TNKS: variants seen among roughly 807,000 people sequenced by gnomAD.
The protein encoded by TNKS is poly [ADP-ribose] polymerase tankyrase-1.
Under a neutral mutation model 135.8 loss-of-function variants are expected in TNKS, and 72 were observed. The observed-to-expected ratio is 0.53, with a 90% CI of 0.44 to 0.64. The LOEUF is 0.64. TNKS is among the 30% of genes least tolerant of loss of function. TNKS has a pLI of 0.00. For synonymous variants in TNKS, 849 were observed against 649.3 expected, an observed-to-expected ratio of 1.31 and a Z score of -4.68; for missense variants, 1,769 against 1,674.0, an observed-to-expected ratio of 1.06 and a Z score of -0.99.
At chr8:9,748,866 G>A (rs1392318866) in intron 18 of TNKS, among the ~76,000 whole-genome samples, 3 of 152,174 alleles carry the variant, frequency 2.0e-5, no homozygotes, top group African/African-American at 7.2e-5. Context: ...GGTCACTTGT[G>A]CAACTGCATA....
intron 3 of TNKS, among the ~76,000 whole-genome samples, chr8:9,666,869 G>A (rs1272165064): frequency 6.6e-6 from 1 of 152,142 alleles, no homozygotes; most frequent in Non-Finnish European, 1.5e-5. Flanking sequence ...GAATTGTCAA[G>A]AAGAGTAAAA....
At chr8:9,594,984 T>G in intron 2 of TNKS, among the ~76,000 whole-genome samples, 1 of 152,230 alleles carries the variant, frequency 6.6e-6, no homozygotes. Flanking sequence ...CTTTACTGTT[T>G]GCAAAAATTA....
At chr8:9,749,428 G>A (rs1248871217) in intron 18 of TNKS, among the ~76,000 whole-genome samples, 6 of 151,666 alleles carry the variant, frequency 4.0e-5, no homozygotes, top group Non-Finnish European at 5.9e-5. Flanking sequence ...CTCCCAGGGA[G>A]TGGTTCACTG....
Position 9,779,100 on chromosome 8 carries a change from T to C in TNKS, c.*2364T>C, listed in dbSNP as rs78792275. 3.7e-3 allele frequency: 569 copies of C among 152,698 alleles called. 6 individuals are homozygous for C. Among genetic ancestry groups the C allele is most frequent in the African/African-American group, 0.013 (539 of 41,566 alleles). The allele number at this position is 152,698 out of a possible 1,614,324, so 9.5% of individuals were successfully genotyped here. A position where few individuals can be genotyped will look rare whatever the true frequency, so the allele number is the denominator to read the frequency against. On this transcript the variant is annotated 3_prime_UTR_variant, in exon 27 of 27. Transcript: ENST00000310430. The stretch of plus-strand genomic sequence containing the variant: ...CTTGTCCTATAATGATTCAAGTATA[T>C]AGTAGTTCTTGAAAGAGTGTGCATA...
intron 1 of TNKS, among the ~76,000 whole-genome samples, chr8:9,578,696 A>G (rs1294482224): frequency 1.3e-5 from 2 of 152,172 alleles, no homozygotes; most frequent in Non-Finnish European, 2.9e-5. Flanking sequence ...TATGCCCAAA[A>G]TAAAGGAAGA....
At chr8:9,690,899 T>A (rs947874508) in intron 5 of TNKS, among the ~76,000 whole-genome samples, 2 of 152,152 alleles carry the variant, frequency 1.3e-5, no homozygotes, top group African/African-American at 4.8e-5. Flanking sequence ...CTATCTAGGA[T>A]TCATAGAATC....
At chr8:9,740,831 T>TTTTTG (rs1310803305) in intron 17 of TNKS, 1 of 139,562 alleles carries the variant, frequency 7.2e-6, no homozygotes, top group Admixed American at 7.2e-5. Context: ...TTGTTGTTTT[T>TTTTTG]TTTTTTTTTT....
chr8:9,751,233 A>T (rs779658807), intron 18 of TNKS, among the ~76,000 whole-genome samples: 1 of 152,246 alleles, frequency 6.6e-6, no homozygotes, highest in Non-Finnish European at 1.5e-5. Context: ...TCCCTTTGAA[A>T]TTTCACCAGA....
In TNKS at chr8:9,765,815, G is replaced by A; in HGVS notation, c.3553+18G>A. 1.2e-6 allele frequency: 2 copies of A among 1,604,212 alleles called. No individual in the cohort carries two copies. The highest frequency in any genetic ancestry group is 1.1e-5 in the South Asian group (1 of 90,670). On this transcript the variant is annotated intron_variant, in intron 24 of 26. Coordinates refer to ENST00000310430, the MANE Select transcript of TNKS (RefSeq NM_003747.3). Reference sequence around the variant, plus strand: ...GTTTCATGGTAAGCAGCGTGGCAGGGACGGTGGACGTCTCCCTGGGCCTTT... The same window carrying A: ...GTTTCATGGTAAGCAGCGTGGCAGGAACGGTGGACGTCTCCCTGGGCCTTT...
intron 26 of TNKS, chr8:9,772,219 A>T (rs1807948088): frequency 2.8e-6 from 1 of 355,648 alleles, no homozygotes; most frequent in African/African-American, 2.2e-5. Flanking sequence ...GGAGAAGAAT[A>T]TTTGCGTGGT....
chr8:9,644,444 A>G (rs1744355864), intron 3 of TNKS, among the ~76,000 whole-genome samples: 1 of 152,198 alleles, frequency 6.6e-6, no homozygotes, highest in African/African-American at 2.4e-5. Context: ...GCATGCTGCT[A>G]CTTGCTTGAA....
chr8:9,585,057 T>A (rs1798317331), intron 2 of TNKS, among the ~76,000 whole-genome samples: 1 of 151,372 alleles, frequency 6.6e-6, no homozygotes, highest in South Asian at 2.1e-4. Flanking sequence ...GTCAGGTAAA[T>A]ACCTGAATAA....
At position 9,782,213 on chromosome 8, in the gene TNKS, TA is replaced by T. The variant is rs1307158282; in HGVS notation, c.*5479del. The T allele has an allele frequency of 1.3e-5, 2 of 152,660 alleles. No individual in the cohort carries two copies. The highest frequency in any genetic ancestry group is 4.8e-5 in the African/African-American group (2 of 41,462). The allele number at this position is 152,660 out of a possible 1,614,324, so 9.5% of individuals were successfully genotyped here. Reference sequence around the variant, plus strand: ...TTCCAAAGGAGGGCATCAAGGAACTTAACCTGCCTGCCTGGTGGGTTTCTAT... The same window carrying T: ...TTCCAAAGGAGGGCATCAAGGAACTTACCTGCCTGCCTGGTGGGTTTCTAT... On this transcript the variant is annotated 3_prime_UTR_variant, in exon 27 of 27. Coordinates refer to ENST00000310430, the MANE Select transcript of TNKS (RefSeq NM_003747.3).
chr8:9,575,179 C>T (rs949574515), intron 1 of TNKS: 4 of 665,404 alleles, frequency 6.0e-6, no homozygotes, highest in African/African-American at 2.0e-5. Context: ...CTCCGCCTCC[C>T]GGGTTCACGC....
At chr8:9,580,435 T>A (rs7822548) in intron 2 of TNKS, 52 bp downstream of exon 2, 382,701 of 1,520,562 alleles carry the variant, frequency 0.25, 49,899 homozygotes, top group East Asian at 0.38. Context: ...TATTCTTACT[T>A]TTTTTGTGGT....
chr8:9,703,145 C>T (rs1361589504), intron 5 of TNKS, among the ~76,000 whole-genome samples: 1 of 152,142 alleles, frequency 6.6e-6, no homozygotes, highest in Non-Finnish European at 1.5e-5. Flanking sequence ...CGGATAGTAC[C>T]AAACCCTATA....
At chr8:9,771,312 AAGAG>A (rs1332347215) in intron 26 of TNKS, among the ~76,000 whole-genome samples, 1 of 117,980 alleles carries the variant, frequency 8.5e-6, no homozygotes, top group Non-Finnish European at 1.7e-5. Context: ...GGAAGGAAGG[AAGAG>A]AGAAGAAAGG....
intron 2 of TNKS, among the ~76,000 whole-genome samples, chr8:9,604,865 C>G (rs989197990): frequency 6.6e-6 from 1 of 151,762 alleles, no homozygotes; most frequent in African/African-American, 2.4e-5. Context: ...ATCCTACTCT[C>G]TTTTTCCTCT....
chr8:9,689,167 G>T (rs917600284), intron 5 of TNKS, among the ~76,000 whole-genome samples: 2 of 152,118 alleles, frequency 1.3e-5, no homozygotes, highest in Non-Finnish European at 2.9e-5. Flanking sequence ...TTATTAAAGA[G>T]ATTATCACTC....
Sources: gnomAD v4.1 joint callset for allele counts (sites outside exome capture counted in the v4.1 genomes callset) on GRCh38, gnomAD v4.1.1 for gene constraint, MANE v1.5 for transcripts, NCBI Gene and HGNC (gene_info 2026-07-23, HGNC 2026-07-21) for gene names.